THSD4: variants seen among roughly 807,000 people sequenced by gnomAD.
THSD4 encodes the protein thrombospondin type-1 domain-containing protein 4.
A neutral mutation model predicts 119.0 loss-of-function variants in THSD4; 69 were observed. The observed-to-expected ratio is 0.58, with a 90% CI of 0.48 to 0.71. The LOEUF (loss-of-function observed/expected upper bound fraction) is 0.71. Among genes scored for constraint, THSD4 ranks in the 30% least tolerant of loss-of-function variants. The pLI, the probability that THSD4 is intolerant of heterozygous loss-of-function variation, is 0.00. For missense variants in THSD4, 1,393 were observed against 1,391.1 expected (o/e 1.00, Z -0.02); for synonymous variants, 524 against 540.4 (o/e 0.97, Z 0.42).
intron 7 of THSD4, among the ~76,000 whole-genome samples, chr15:71,531,640 A>G (rs950767521): frequency 7.2e-5 from 11 of 152,230 alleles, no homozygotes; most frequent in African/African-American, 2.7e-4. Flanking sequence ...TCCACTGGGC[A>G]TGTTATTTAA....
At position 71,191,678 on chromosome 15, in the gene THSD4, T is replaced by G. The variant is rs370910288; in HGVS notation, c.100-23357T>G. ...TCATACTGAGCCCCTGAGCTCTCAC[T>G]CTTCAGTGCTGTACTTGGTTGTTCC... On this transcript the variant is annotated intron_variant, in intron 3 of 17. Transcript: ENST00000261862. Among the ~76,000 whole-genome samples, 9 of 152,240 alleles carry G rather than the reference T, an allele frequency of 5.9e-5. No individual in the cohort carries two copies. In the South Asian group the frequency reaches 1.9e-3, roughly 32 times the overall value.
At chr15:71,149,607 T>G (rs978519064) in intron 2 of THSD4, among the ~76,000 whole-genome samples, 5 of 152,198 alleles carry the variant, frequency 3.3e-5, no homozygotes, top group African/African-American at 1.2e-4. Context: ...ATGCTAAGAT[T>G]TTGGCTCTCT....
chr15:71,281,377 A>C (rs2044650299), intron 6 of THSD4, among the ~76,000 whole-genome samples: 1 of 152,264 alleles, frequency 6.6e-6, no homozygotes, highest in Non-Finnish European at 1.5e-5. Flanking sequence ...GGCTATGCAC[A>C]GGAAAACGCA....
Position 71,745,050 on chromosome 15 carries a change from T to C in THSD4, c.1907-56T>C. The C allele has an allele frequency of 4.5e-6, 7 of 1,568,362 alleles. No homozygotes were observed. The South Asian group carries it at 7.0e-5, about 16-fold the overall frequency. ...CCGAATCTCTGTGCATCTCCACCCA[T>C]AGCCCAGCTTTCCAGTGTGTGGGAC... On this transcript the variant is annotated intron_variant, in intron 11 of 17. Coordinates refer to ENST00000261862, the MANE Select transcript of THSD4 (RefSeq NM_024817.3).
At chr15:71,564,353 A>G (rs916526237) in intron 7 of THSD4, among the ~76,000 whole-genome samples, 10 of 152,174 alleles carry the variant, frequency 6.6e-5, no homozygotes, top group Non-Finnish European at 1.5e-4. Flanking sequence ...ACGTAACAGC[A>G]TGGCTGATTC....
chr15:71,561,036 A>C (rs1050987302), intron 7 of THSD4, among the ~76,000 whole-genome samples: 2 of 145,020 alleles, frequency 1.4e-5, no homozygotes, highest in African/African-American at 5.2e-5. Flanking sequence ...GTGCAGTGGC[A>C]CAATCTCGGC....
intron 3 of THSD4, among the ~76,000 whole-genome samples, chr15:71,155,467 G>T (rs1367424854): frequency 1.3e-5 from 2 of 152,212 alleles, no homozygotes; most frequent in Non-Finnish European, 2.9e-5. Flanking sequence ...TGGGGACACA[G>T]ATCTGAACCA....
chr15:71,668,010 C>A (rs1429173217), intron 8 of THSD4, among the ~76,000 whole-genome samples: 11 of 152,100 alleles, frequency 7.2e-5, no homozygotes, highest in South Asian at 2.1e-4. Flanking sequence ...GGTATCTTTT[C>A]ATATTAATAC....
At chr15:71,217,635 A>C (rs2043945458) in intron 4 of THSD4, among the ~76,000 whole-genome samples, 1 of 152,102 alleles carries the variant, frequency 6.6e-6, no homozygotes, top group South Asian at 2.1e-4. Context: ...AAAAAAAAAA[A>C]AGATCAGGTT....
At chr15:71,110,858 G>A (rs774193428), upstream of THSD4, 3 of 415,440 alleles carry the variant, frequency 7.2e-6, no homozygotes, top group Non-Finnish European at 1.3e-5. Flanking sequence ...ATGAAGGATA[G>A]ACGGGAAAGT....
chr15:71,568,739 C>A (rs147731431), intron 7 of THSD4, among the ~76,000 whole-genome samples: 2,053 of 152,290 alleles, frequency 0.013, 55 homozygotes, highest in African/African-American at 0.046. Flanking sequence ...ATCCCTCCCC[C>A]TTCCCCCGAC....
At chr15:71,671,929 G>T (rs2051539693) in intron 8 of THSD4, among the ~76,000 whole-genome samples, 1 of 152,158 alleles carries the variant, frequency 6.6e-6, no homozygotes, top group East Asian at 1.9e-4. Context: ...GATGCCTCCA[G>T]CTTTGTTCTT....
rs1444260244 is a variant in THSD4, at chr15:71,688,451, T to C, written c.1357+27717T>C. 2.6e-5 allele frequency among the ~76,000 whole-genome samples: 4 copies of C among 152,218 alleles called. No individual in the cohort carries two copies. The South Asian group carries it at 8.3e-4, about 31-fold the overall frequency. On this transcript the variant is annotated intron_variant, in intron 8 of 17. Coordinates refer to ENST00000261862, the MANE Select transcript of THSD4 (RefSeq NM_024817.3). ...GAGACTCCGTATTCCATTTGATTCA[T>C]AAAAATGAAAAGTAAAATGCTAATG...
At chr15:71,189,669 C>A (rs76480345) in intron 3 of THSD4, among the ~76,000 whole-genome samples, 11 of 146,402 alleles carry the variant, frequency 7.5e-5, no homozygotes, top group South Asian at 2.2e-4. Context: ...GACTCCGTCT[C>A]AAAAAAAAAA....
At chr15:71,438,608 T>C (rs2047047519) in intron 7 of THSD4, among the ~76,000 whole-genome samples, 1 of 152,250 alleles carries the variant, frequency 6.6e-6, no homozygotes, top group South Asian at 2.1e-4. Context: ...CCCAATTACC[T>C]AAACCATAAT....
chr15:71,771,192 CTG>C lies in THSD4; in HGVS notation c.2902_2903del (p.Val968ProfsTer2), dbSNP rs2053817284. ...EERESCNPQDCVPEVDENCKD... is the reference protein window; with the variant it reads ...EERESCNPQDXVPEVDENCKD... ...AGAGAGAATCTTGTAACCCTCAGGACTGTGTCCCTGAAGTTGGTAAGTAGAGA... is the reference window on the plus strand; with the variant it reads ...AGAGAGAATCTTGTAACCCTCAGGACTGTCCCTGAAGTTGGTAAGTAGAGA... On this transcript the variant is annotated frameshift_variant, in exon 17 of 18. Transcript: ENST00000261862. LOFTEE classifies it high-confidence loss of function. 1 of 1,613,846 alleles carries C rather than the reference CTG, an allele frequency of 6.2e-7. No homozygotes were observed. Among genetic ancestry groups the C allele is most frequent in the Non-Finnish European group, 8.5e-7 (1 of 1,180,004 alleles).
chr15:71,679,708 A>G (rs1054515674), intron 8 of THSD4, among the ~76,000 whole-genome samples: 1 of 152,212 alleles, frequency 6.6e-6, no homozygotes, highest in Non-Finnish European at 1.5e-5. Flanking sequence ...TTCATCCTGA[A>G]CCACATCCTT....
chr15:71,662,836 A>G (rs1364595023), intron 8 of THSD4, among the ~76,000 whole-genome samples: 2 of 152,210 alleles, frequency 1.3e-5, no homozygotes, highest in African/African-American at 4.8e-5. Context: ...TAGGCAGTTG[A>G]CAAATGTTCA....
chr15:71,521,298 G>A (rs377763000), intron 7 of THSD4, among the ~76,000 whole-genome samples: 6 of 152,092 alleles, frequency 3.9e-5, no homozygotes, highest in Admixed American at 2.0e-4. Flanking sequence ...TTTCTATTAA[G>A]ATGTTTTAGT....
Sources: gnomAD v4.1 joint callset for allele counts (sites outside exome capture counted in the v4.1 genomes callset) on GRCh38, gnomAD v4.1.1 for gene constraint, MANE v1.5 for transcripts, NCBI Gene and HGNC (gene_info 2026-07-23, HGNC 2026-07-21) for gene names.